EBF3: variants seen among roughly 807,000 people sequenced by gnomAD.
The protein encoded by EBF3 is transcription factor COE3.
EBF3 carries 18 observed loss-of-function variants against 77.1 expected under a neutral mutation model. The observed-to-expected ratio is 0.23, with a 90% CI of 0.16 to 0.35. The LOEUF is 0.35. Ranked by LOEUF, EBF3 falls within the 10% of genes least tolerant of loss-of-function variation. The probability of loss-of-function intolerance (pLI) is 1.00; values close to 1 mark genes in which losing one functional copy is unlikely to be tolerated. For missense variants in EBF3, 558 were observed against 860.0 expected, an observed-to-expected ratio of 0.65 and a Z score of 4.39; for synonymous variants, 350 against 343.5, an observed-to-expected ratio of 1.02 and a Z score of -0.21.
At chr10:129,887,712 A>C (rs1314019224) in intron 6 of EBF3, among the ~76,000 whole-genome samples, 2 of 152,128 alleles carry the variant, frequency 1.3e-5, no homozygotes, top group Admixed American at 1.3e-4. Flanking sequence ...AACCAAAATG[A>C]ATATTTTATG....
intron 6 of EBF3, among the ~76,000 whole-genome samples, chr10:129,898,803 C>T (rs1854573712): frequency 6.6e-6 from 1 of 152,234 alleles, no homozygotes; most frequent in Non-Finnish European, 1.5e-5. Flanking sequence ...CCTCATTTCT[C>T]AAAGTGACAG....
At position 129,904,677 on chromosome 10, in the gene EBF3, T is replaced by C. The variant is rs187654508; in HGVS notation, c.555-26828A>G. Among the ~76,000 whole-genome samples the C allele has an allele frequency of 4.9e-3, 748 of 152,194 alleles. 2 individuals carry two copies. Among genetic ancestry groups the C allele is most frequent in the African/African-American group, 0.017 (705 of 41,534 alleles). On this transcript the variant is annotated intron_variant, in intron 6 of 16. Transcript: ENST00000440978. ...ATGGATGGAGACAGACATCTATGGA[T>C]AGAACTATATAATACAAATATATAG...
At chr10:129,930,978 T>C (rs1242708434) in intron 6 of EBF3, among the ~76,000 whole-genome samples, 1 of 151,540 alleles carries the variant, frequency 6.6e-6, no homozygotes, top group Admixed American at 6.6e-5. Flanking sequence ...CTCATATATC[T>C]ATATCTCTAC....
chr10:129,877,753 T>C lies in EBF3; in HGVS notation c.636+15A>G. ...AGTCAGGACCACGGTCCACGTGTCT[T>C]TGAGAAATGTATACCTGGAATCTCC... On this transcript the variant is annotated intron_variant, in intron 7 of 16. Coordinates refer to ENST00000440978, the MANE Select transcript of EBF3 (RefSeq NM_001375380.1). 1 of 1,611,356 alleles carries C rather than the reference T, an allele frequency of 6.2e-7. No homozygotes were observed. The highest frequency in any genetic ancestry group is 8.5e-7 in the Non-Finnish European group (1 of 1,178,170).
intron 6 of EBF3, among the ~76,000 whole-genome samples, chr10:129,932,913 T>TC (rs1857122439): frequency 6.7e-6 from 1 of 150,290 alleles, no homozygotes; most frequent in African/African-American, 2.4e-5. Context: ...TTTTTTTTTT[T>TC]CAATTTCAGA....
rs1399254037 is a variant in EBF3, at chr10:129,841,409, T to C, written c.1373-377A>G. ...GCCATGACTGACAAGGAGAGCTTGT[T>C]TGTGGCCGTAACTTCCCCTGAAAGG... On this transcript the variant is annotated intron_variant, in intron 13 of 16. Coordinates refer to ENST00000440978, the MANE Select transcript of EBF3 (RefSeq NM_001375380.1). This position sits in a 1 kb window ranked among gnomAD's most constrained non-coding sequence, Gnocchi z 4.6. 1.3e-5 allele frequency among the ~76,000 whole-genome samples: 2 copies of C among 152,184 alleles called. No individual in the cohort carries two copies. The highest frequency in any genetic ancestry group is 4.8e-5 in the African/African-American group (2 of 41,456).
chr10:129,958,704 C>T (rs1859229763), intron 5 of EBF3, among the ~76,000 whole-genome samples: 1 of 152,174 alleles, frequency 6.6e-6, no homozygotes, highest in South Asian at 2.1e-4. Context: ...AACGACACGG[C>T]CCACATATTA....
At chr10:129,949,191 C>G (rs1214135166) in intron 6 of EBF3, among the ~76,000 whole-genome samples, 1 of 152,210 alleles carries the variant, frequency 6.6e-6, no homozygotes, top group Non-Finnish European at 1.5e-5. Flanking sequence ...ATCCCAGCTA[C>G]TCGGTAGGCT....
chr10:129,958,870 C>A, intron 5 of EBF3, 64 bp downstream of exon 5: 1 of 1,539,700 alleles, frequency 6.5e-7, no homozygotes, highest in East Asian at 2.6e-5. Flanking sequence ...GACGCGGCGT[C>A]CTTTGTAGAC....
At chr10:129,874,883 G>GT (rs1239182066) in intron 7 of EBF3, among the ~76,000 whole-genome samples, 1 of 152,204 alleles carries the variant, frequency 6.6e-6, no homozygotes, top group Non-Finnish European at 1.5e-5. Context: ...GTCCGCACAT[G>GT]TAAGGAATCC....
Position 129,897,287 on chromosome 10 carries a change from C to A in EBF3, c.555-19438G>T, listed in dbSNP as rs1041969356. On this transcript the variant is annotated intron_variant, in intron 6 of 16. Coordinates refer to ENST00000440978, the MANE Select transcript of EBF3 (RefSeq NM_001375380.1). The surrounding 1 kb of genome is among the most constrained non-coding windows in gnomAD (Gnocchi z 4.6). ...TTGGGCCCCACTTTCCTGCAGGGAC[C>A]TAGGAGGGTTGAAAGGAGATGAGGC... is the stretch of plus-strand genomic sequence containing the variant. 3.3e-5 allele frequency among the ~76,000 whole-genome samples: 5 copies of A among 152,150 alleles called. No homozygotes were observed. Among genetic ancestry groups the A allele is most frequent in the Admixed American group, 2.6e-4 (4 of 15,278 alleles).
chr10:129,942,594 C>T (rs1211810822), intron 6 of EBF3, among the ~76,000 whole-genome samples: 1 of 152,136 alleles, frequency 6.6e-6, no homozygotes, highest in Non-Finnish European at 1.5e-5. Context: ...GGCCCCGGGG[C>T]ACTGGGGAAA....
Position 129,957,075 on chromosome 10 carries a change from G to C in EBF3, c.554+183C>G, listed in dbSNP as rs199894501. On this transcript the variant is annotated intron_variant, in intron 6 of 16. Transcript: ENST00000440978. ...AGCAATTACTGAATCCCCACAGAGCGAGCCACCAGGTTTCCAAGTCAACCC... is the reference window on the plus strand; with the variant it reads ...AGCAATTACTGAATCCCCACAGAGCCAGCCACCAGGTTTCCAAGTCAACCC... Among the ~76,000 whole-genome samples, 6 of 152,264 alleles carry C rather than the reference G, an allele frequency of 3.9e-5. No homozygotes were observed. The East Asian group carries it at 1.2e-3, about 29-fold the overall frequency.
At chr10:129,941,928 G>A (rs1857774753) in intron 6 of EBF3, among the ~76,000 whole-genome samples, 1 of 152,224 alleles carries the variant, frequency 6.6e-6, no homozygotes. Context: ...CACAAGGGAT[G>A]ACACAGGGAG....
At chr10:129,868,614 G>A (rs1403337743) in intron 8 of EBF3, among the ~76,000 whole-genome samples, 3 of 152,208 alleles carry the variant, frequency 2.0e-5, no homozygotes, top group Non-Finnish European at 4.4e-5. Flanking sequence ...GGGGCGGGAG[G>A]GGTTGGGGGC....
At chr10:129,859,522 G>A (rs1851477243) in intron 10 of EBF3, among the ~76,000 whole-genome samples, 1 of 152,216 alleles carries the variant, frequency 6.6e-6, no homozygotes, top group Non-Finnish European at 1.5e-5. Flanking sequence ...ACCACGCCTA[G>A]CCTCATTATG....
intron 6 of EBF3, among the ~76,000 whole-genome samples, chr10:129,950,899 G>C (rs1031351574): frequency 2.0e-5 from 3 of 152,184 alleles, no homozygotes; most frequent in Non-Finnish European, 2.9e-5. Flanking sequence ...TAAGCTCCTT[G>C]AGTTTTCACT....
chr10:129,872,297 CAA>C (rs1229405002), intron 8 of EBF3, among the ~76,000 whole-genome samples: 2 of 152,216 alleles, frequency 1.3e-5, no homozygotes, highest in Admixed American at 1.3e-4. Flanking sequence ...AGGAGATAAA[CAA>C]TACGTCACAG....
At chr10:129,892,929 G>T (rs186901524) in intron 6 of EBF3, among the ~76,000 whole-genome samples, 1 of 152,212 alleles carries the variant, frequency 6.6e-6, no homozygotes, top group Admixed American at 6.5e-5. Context: ...GCAGCCAGCC[G>T]TTAATTAGCA....
Sources: allele counts gnomAD v4.1 joint callset (sites outside exome capture counted in the v4.1 genomes callset), GRCh38; gene constraint gnomAD v4.1.1; non-coding constraint Gnocchi (gnomAD v3.1); transcripts MANE v1.5; gene names NCBI Gene and HGNC (gene_info 2026-07-23, HGNC 2026-07-21).